The following MICU1 variants were observed in gnomAD, a reference collection of about 807,000 sequenced individuals.
MICU1 encodes calcium uptake protein 1, mitochondrial.
In MICU1, 45 loss-of-function variants were observed where a neutral mutation model predicts 56.8. The ratio of observed to expected loss-of-function variants is 0.79; its 90% CI spans 0.62 to 1.02. The LOEUF (loss-of-function observed/expected upper bound fraction) is 1.02, where lower values mean the gene tolerates loss of function less well. Ranked by LOEUF, MICU1 falls within the 50% of genes least tolerant of loss-of-function variation. The probability of loss-of-function intolerance (pLI) is 0.00; values close to 1 mark genes in which losing one functional copy is unlikely to be tolerated. For missense variants in MICU1, 504 were observed against 587.1 expected, an observed-to-expected ratio of 0.86 and a Z score of 1.46; for synonymous variants, 186 against 195.1, an observed-to-expected ratio of 0.95 and a Z score of 0.39.
At chr10:72,581,031 A>G (rs1230573406) in intron 1 of MICU1, among the ~76,000 whole-genome samples, 1 of 152,210 alleles carries the variant, frequency 6.6e-6, no homozygotes, top group Non-Finnish European at 1.5e-5. Context: ...ACTCCACACT[A>G]AAAATTACAG....
chr10:72,589,638 T>C (rs1009904403), intron 1 of MICU1, among the ~76,000 whole-genome samples: 2 of 149,660 alleles, frequency 1.3e-5, no homozygotes, highest in Admixed American at 6.7e-5. Flanking sequence ...CATTAAAACA[T>C]ATAATAAAGC....
At chr10:72,507,352 A>G (rs1038113268) in intron 6 of MICU1, among the ~76,000 whole-genome samples, 1 of 152,226 alleles carries the variant, frequency 6.6e-6, no homozygotes, top group African/African-American at 2.4e-5. Context: ...TAGCATACTA[A>G]TCAACAAAGC....
At chr10:72,442,210 T>G (rs1460304705) in intron 8 of MICU1, among the ~76,000 whole-genome samples, 1 of 152,124 alleles carries the variant, frequency 6.6e-6, no homozygotes, top group Admixed American at 6.5e-5. Flanking sequence ...AGGTGCAATC[T>G]TGGCTCACTG....
chr10:72,404,406 A>G (rs1162282868), intron 10 of MICU1, among the ~76,000 whole-genome samples: 1 of 152,248 alleles, frequency 6.6e-6, no homozygotes, highest in East Asian at 1.9e-4. Context: ...AAATAAGTGA[A>G]GGAATAAGTA....
chr10:72,601,245 G>A (rs1226386571), intron 1 of MICU1, among the ~76,000 whole-genome samples: 1 of 152,002 alleles, frequency 6.6e-6, no homozygotes, highest in East Asian at 1.9e-4. Context: ...AAAATAAGGA[G>A]ACCCTGTATC....
intron 6 of MICU1, among the ~76,000 whole-genome samples, chr10:72,503,599 G>A (rs544305819): frequency 1.4e-4 from 21 of 152,088 alleles, no homozygotes; most frequent in East Asian, 9.6e-4. Context: ...ATAATCAAAT[G>A]TTTAAAACCA....
intron 8 of MICU1, among the ~76,000 whole-genome samples, chr10:72,424,120 A>T (rs7073226): frequency 2.4e-4 from 15 of 61,616 alleles, no homozygotes; most frequent in Non-Finnish European, 1.6e-3. Context: ...TTTCCCCCCC[A>T]CCTTTTTTTT....
intron 5 of MICU1, among the ~76,000 whole-genome samples, chr10:72,521,126 A>G (rs115632297): frequency 0.015 from 2,358 of 152,194 alleles, 63 homozygotes; most frequent in African/African-American, 0.053. Flanking sequence ...CTCAAGTAAA[A>G]ATCTTGAAAA....
At chr10:72,561,539 T>C (rs1217488026) in intron 3 of MICU1, among the ~76,000 whole-genome samples, 1 of 152,188 alleles carries the variant, frequency 6.6e-6, no homozygotes, top group Non-Finnish European at 1.5e-5. Context: ...AGGCTGGGCA[T>C]GGCGGCTCAT....
intron 6 of MICU1, among the ~76,000 whole-genome samples, chr10:72,502,572 A>C (rs778324030): frequency 6.6e-6 from 1 of 152,204 alleles, no homozygotes; most frequent in Non-Finnish European, 1.5e-5. Flanking sequence ...TATCCATCAG[A>C]GTAACAGATG....
intron 8 of MICU1, among the ~76,000 whole-genome samples, chr10:72,470,883 A>C (rs1358479888): frequency 6.6e-6 from 1 of 152,220 alleles, no homozygotes; most frequent in Non-Finnish European, 1.5e-5. Flanking sequence ...TGGCAAAAGG[A>C]ACAGTCTTAG....
intron 4 of MICU1, among the ~76,000 whole-genome samples, chr10:72,542,897 G>A (rs777245493): frequency 6.6e-6 from 1 of 152,226 alleles, no homozygotes; most frequent in Non-Finnish European, 1.5e-5. Flanking sequence ...AAGGCGAGCT[G>A]GAAAAGGGAT....
At chr10:72,389,689 C>T (rs1200004960) in intron 10 of MICU1, among the ~76,000 whole-genome samples, 1 of 152,224 alleles carries the variant, frequency 6.6e-6, no homozygotes, top group Non-Finnish European at 1.5e-5. Flanking sequence ...CACAGGTTTA[C>T]TGCATCTGTA....
chr10:72,571,832 T>G (rs143989954), intron 1 of MICU1, among the ~76,000 whole-genome samples: 1 of 151,988 alleles, frequency 6.6e-6, no homozygotes, highest in African/African-American at 2.4e-5. Context: ...GGTGGGAGGA[T>G]AGCTTGAGCC....
intron 3 of MICU1, among the ~76,000 whole-genome samples, chr10:72,552,033 T>A (rs952540059): frequency 2.6e-5 from 4 of 152,232 alleles, no homozygotes; most frequent in Non-Finnish European, 5.9e-5. Context: ...TTTCATAGGT[T>A]TCAAAAGCTA....
In MICU1 at chr10:72,461,543, C is replaced by G. The variant is rs1027133188; in HGVS notation, c.933+13557G>C. Among the ~76,000 whole-genome samples the G allele has an allele frequency of 2.6e-5, 4 of 152,180 alleles. No individual in the cohort carries two copies. In the East Asian group the frequency reaches 7.7e-4, roughly 29 times the overall value. On this transcript the variant is annotated intron_variant, in intron 8 of 11. Coordinates refer to ENST00000361114, the MANE Select transcript of MICU1 (RefSeq NM_001195518.2). ...ATGTACTGTGCAAGTATTTCTTGTT[C>G]ATTTATCCTACCTTTATAAGCTTCT...
At position 72,433,803 on chromosome 10, in the gene MICU1, T is replaced by C. The variant is rs567848898; in HGVS notation, c.934-10432A>G. Among the ~76,000 whole-genome samples, 28 of 152,330 alleles carry C rather than the reference T, an allele frequency of 1.8e-4. 1 individual carries two copies. The South Asian group carries it at 5.8e-3, about 32-fold the overall frequency. On this transcript the variant is annotated intron_variant, in intron 8 of 11. Transcript: ENST00000361114. ...ATAAGAAAGTAATTAAATATTGACC[T>C]ACAGTTTCTTTATTTTAAACAAGGA...
intron 6 of MICU1, chr10:72,477,508 T>G (rs1481956401): frequency 1.3e-6 from 2 of 1,535,844 alleles, no homozygotes; most frequent in Admixed American, 2.0e-5. Context: ...TGTTTCAACA[T>G]GCTTTGCCTT....
At chr10:72,571,507 C>A (rs894425568) in intron 1 of MICU1, among the ~76,000 whole-genome samples, 1 of 152,078 alleles carries the variant, frequency 6.6e-6, no homozygotes, top group Non-Finnish European at 1.5e-5. Context: ...AATGCCAGAC[C>A]AAGAATTTAG....
Sources: allele counts gnomAD v4.1 joint callset (sites outside exome capture counted in the v4.1 genomes callset), GRCh38; gene constraint gnomAD v4.1.1; transcripts MANE v1.5; gene names NCBI Gene and HGNC (gene_info 2026-07-23, HGNC 2026-07-21).